RASGRF1: variants seen among roughly 807,000 people sequenced by gnomAD.
RASGRF1 encodes ras-specific guanine nucleotide-releasing factor 1.
RASGRF1 carries 40 observed loss-of-function variants against 138.7 expected under a neutral mutation model. That is an observed-to-expected ratio of 0.29 (90% CI 0.22 to 0.38). RASGRF1 has a LOEUF of 0.38. RASGRF1 is among the 10% of genes least tolerant of loss of function. RASGRF1 has a pLI of 1.00. For missense variants in RASGRF1, 1,108 were observed against 1,650.4 expected (o/e 0.67, Z 5.69); for synonymous variants, 614 against 663.2 (o/e 0.93, Z 1.14).
At chr15:79,005,714 C>CCTTT in intron 14 of RASGRF1, 3 of 865,562 alleles carry the variant, frequency 3.5e-6, no homozygotes, top group Non-Finnish European at 4.2e-6. Context: ...GGGTAAGAGT[C>CCTTT]CTTTCTCCCT....
At chr15:78,971,800 G>A (rs1446888766) in intron 26 of RASGRF1, 66 bp downstream of exon 26, 1 of 1,412,844 alleles carries the variant, frequency 7.1e-7, no homozygotes, top group Non-Finnish European at 1.0e-6. Context: ...AGGGGACAGG[G>A]TGGAAGGTGG....
In RASGRF1 at chr15:79,090,323, C is replaced by A. The variant is rs1412433579; in HGVS notation, c.176G>T (p.Ser59Ile). ...NLLFYFESDS[S>I]SRPSGLYLLE... ...CAGGTAAAGCCCCGAGGGCCGCGAGCTCGAGTCGCTCTCGAAGTAGAAGAG... is the reference window on the plus strand; with the variant it reads ...CAGGTAAAGCCCCGAGGGCCGCGAGATCGAGTCGCTCTCGAAGTAGAAGAG... The change falls in exon 1 of 27, where the codon AGC (serine) becomes ATC (isoleucine). Residue 59 changes from serine to isoleucine, a missense_variant. By Grantham distance (142) the Ser-to-Ile change is moderately radical. Coordinates refer to ENST00000558480, the MANE Select transcript of RASGRF1 (RefSeq NM_001145648.3). 4 of 1,613,906 alleles carry A rather than the reference C, an allele frequency of 2.5e-6. No individual in the cohort carries two copies. Among genetic ancestry groups the A allele is most frequent in the Non-Finnish European group, 3.4e-6 (4 of 1,179,974 alleles).
rs1567435625 is a variant in RASGRF1, at chr15:78,978,222, T to TTTC, written c.3494+2397_3494+2398insGAA. On this transcript the variant is annotated intron_variant, in intron 24 of 26. Coordinates refer to ENST00000558480, the MANE Select transcript of RASGRF1 (RefSeq NM_001145648.3). ...TCTTTTTCTTTTTCTTTTCTTTTGT[T>TTTC]TTTTTTTTTTTTTTTTTTTTTTGAG... 2.1e-3 allele frequency among the ~76,000 whole-genome samples: 49 copies of TTTC among 23,894 alleles called. 2 individuals are homozygous for TTTC. Among genetic ancestry groups the TTTC allele is most frequent in the Admixed American group, 3.4e-3 (4 of 1,178 alleles). The allele number at this position is 23,894 out of a possible 152,430, so 15.7% of individuals were successfully genotyped here.
chr15:79,083,485 A>G (rs1397175183), intron 1 of RASGRF1, among the ~76,000 whole-genome samples: 2 of 152,212 alleles, frequency 1.3e-5, no homozygotes, highest in Non-Finnish European at 2.9e-5. Flanking sequence ...TGCGCTTCCC[A>G]TCAATGCTCA....
chr15:78,971,495 G>C (rs966304065), intron 26 of RASGRF1, among the ~76,000 whole-genome samples: 7 of 152,228 alleles, frequency 4.6e-5, no homozygotes, highest in Non-Finnish European at 7.3e-5. Context: ...TGTTGCCTTT[G>C]GAAGGGGAAC....
intron 1 of RASGRF1, among the ~76,000 whole-genome samples, chr15:79,068,673 A>G (rs1387905710): frequency 6.6e-6 from 1 of 151,788 alleles, no homozygotes; most frequent in Admixed American, 6.6e-5. Context: ...GAGAATGTGA[A>G]TGAGAGTGTG....
chr15:79,006,088 G>T lies in RASGRF1; in HGVS notation c.2075+98C>A. Reference sequence around the variant, plus strand: ...CCAACACGTTACTGCTGCTCCTCCAGGGACCTTCCAGGTCACCCCCCGGCC... The same window carrying T: ...CCAACACGTTACTGCTGCTCCTCCATGGACCTTCCAGGTCACCCCCCGGCC... On this transcript the variant is annotated intron_variant, in intron 14 of 26. Coordinates refer to ENST00000558480, the MANE Select transcript of RASGRF1 (RefSeq NM_001145648.3). This position sits in a 1 kb window ranked among gnomAD's most constrained non-coding sequence, Gnocchi z 4.0. 1 of 1,531,410 alleles carries T rather than the reference G, an allele frequency of 6.5e-7. No individual in the cohort carries two copies. Among genetic ancestry groups the T allele is most frequent in the South Asian group, 1.2e-5 (1 of 82,074 alleles). The allele number at this position is 1,531,410 out of a possible 1,614,324, so 94.9% of individuals were successfully genotyped here.
At chr15:79,069,276 C>T (rs1488202157) in intron 1 of RASGRF1, among the ~76,000 whole-genome samples, 1 of 152,196 alleles carries the variant, frequency 6.6e-6, no homozygotes, top group African/African-American at 2.4e-5. Flanking sequence ...CACCCAGGAC[C>T]TCATGATGGT....
chr15:79,012,460 G>A (rs371630710), intron 13 of RASGRF1: 27 of 1,434,638 alleles, frequency 1.9e-5, no homozygotes, highest in African/African-American at 2.8e-5. Context: ...CTCACTAAAC[G>A]ATGAATTTCC....
intron 24 of RASGRF1, chr15:78,980,370 A>C (rs1010802286): frequency 2.7e-6 from 1 of 366,142 alleles, no homozygotes; most frequent in Non-Finnish European, 5.0e-6. Context: ...CATCACAGCT[A>C]CTATGCTTTC....
In RASGRF1 at chr15:79,032,421, G is replaced by C; in HGVS notation, c.959-105C>G. 8.9e-7 allele frequency: 1 copy of C among 1,129,114 alleles called. No homozygotes were observed. Among genetic ancestry groups the C allele is most frequent in the Non-Finnish European group, 1.3e-6 (1 of 785,584 alleles). The allele number at this position is 1,129,114 out of a possible 1,614,324, so 69.9% of individuals were successfully genotyped here. A position where few individuals can be genotyped will look rare whatever the true frequency, so the allele number is the denominator to read the frequency against. On this transcript the variant is annotated intron_variant, in intron 6 of 26. Transcript: ENST00000558480. This position sits in a 1 kb window ranked among gnomAD's most constrained non-coding sequence, Gnocchi z 4.5. ...TACACCCAGAGAGGCCAGGGGCCAG[G>C]TTCAAGTTCCCCACCCCAGAGACAT...
intron 17 of RASGRF1, 127 bp from the exon 18 acceptor site, chr15:78,998,952 A>T: frequency 1.4e-6 from 1 of 692,636 alleles, no homozygotes; most frequent in South Asian, 1.6e-5. Flanking sequence ...GGGCAGGGGG[A>T]TAACAACATG....
intron 1 of RASGRF1, among the ~76,000 whole-genome samples, chr15:79,065,602 AG>A (rs2057669171): frequency 6.6e-6 from 1 of 151,936 alleles, no homozygotes; most frequent in Non-Finnish European, 1.5e-5. Context: ...GATTCGTCGG[AG>A]AGAGAGGGCA....
intron 24 of RASGRF1, among the ~76,000 whole-genome samples, chr15:78,977,990 G>A (rs1290991849): frequency 6.6e-6 from 1 of 152,152 alleles, no homozygotes; most frequent in African/African-American, 2.4e-5. Context: ...CCAGTATGTA[G>A]GCTTGGGGAA....
rs1360691099 is a variant in RASGRF1, at chr15:79,006,621, T to C, written c.1827-187A>G. 6.6e-6 allele frequency among the ~76,000 whole-genome samples: 1 copy of C among 152,124 alleles called. No individual in the cohort carries two copies. The highest frequency in any genetic ancestry group is 1.5e-5 in the Non-Finnish European group (1 of 68,028). On this transcript the variant is annotated intron_variant, in intron 13 of 26. Coordinates refer to ENST00000558480, the MANE Select transcript of RASGRF1 (RefSeq NM_001145648.3). This position sits in a 1 kb window ranked among gnomAD's most constrained non-coding sequence, Gnocchi z 4.0. ...TTCTTTTTCCCAATATCCTAAAAAC[T>C]CTCCATTATAAAACCCCTAGAAATA...
At chr15:79,022,389 G>A (rs1036285790) in intron 10 of RASGRF1, among the ~76,000 whole-genome samples, 4 of 151,972 alleles carry the variant, frequency 2.6e-5, no homozygotes, top group Non-Finnish European at 4.4e-5. Context: ...GCAGTGAGCC[G>A]AGATTGCGCC....
At chr15:79,020,218 C>T in intron 10 of RASGRF1, 114 bp from the exon 11 acceptor site, 3 of 937,300 alleles carry the variant, frequency 3.2e-6, no homozygotes, top group Non-Finnish European at 5.0e-6. Context: ...TGTATACACA[C>T]AGATGTATGG....
At position 79,000,622 on chromosome 15, in the gene RASGRF1, G is replaced by C. The variant is rs142005900; in HGVS notation, c.2576-709C>G. ...ATAATAATAATAATCATAATTTTTAGTAGTAATGATAGGAGAAACCTACTC... is the reference window on the plus strand; with the variant it reads ...ATAATAATAATAATCATAATTTTTACTAGTAATGATAGGAGAAACCTACTC... On this transcript the variant is annotated intron_variant, in intron 16 of 26. Transcript: ENST00000558480. 2.3e-3 allele frequency among the ~76,000 whole-genome samples: 349 copies of C among 152,276 alleles called. 2 individuals are homozygous for C. The highest frequency in any genetic ancestry group is 8.0e-3 in the African/African-American group (331 of 41,566).
At chr15:78,991,537 G>A (rs925706504) in intron 21 of RASGRF1, among the ~76,000 whole-genome samples, 154 bp downstream of exon 21, 2 of 152,202 alleles carry the variant, frequency 1.3e-5, no homozygotes, top group African/African-American at 4.8e-5. Flanking sequence ...ACGGGAACAG[G>A]CTTCTCTCCC....
Sources: gnomAD v4.1 joint callset for allele counts (sites outside exome capture counted in the v4.1 genomes callset) on GRCh38, gnomAD v4.1.1 for gene constraint, Gnocchi (gnomAD v3.1) non-coding constraint, MANE v1.5 for transcripts, NCBI Gene and HGNC (gene_info 2026-07-23, HGNC 2026-07-21) for gene names.